The following GBE1 variants were observed in gnomAD, a reference collection of about 807,000 sequenced individuals.
GBE1 encodes 1,4-alpha-glucan branching enzyme 1, also known as 1,4-alpha-glucan-branching enzyme.
GBE1 carries 70 observed loss-of-function variants against 88.8 expected under a neutral mutation model. The ratio of observed to expected loss-of-function variants is 0.79; its 90% CI spans 0.65 to 0.96. The LOEUF is 0.96. Among genes scored for constraint, GBE1 ranks in the 40% least tolerant of loss-of-function variants. The probability of loss-of-function intolerance (pLI) is 0.00; values close to 1 mark genes in which losing one functional copy is unlikely to be tolerated. For synonymous variants in GBE1, 284 were observed against 300.1 expected, an observed-to-expected ratio of 0.95 and a Z score of 0.56; for missense variants, 872 against 871.0, an observed-to-expected ratio of 1.00 and a Z score of -0.01.
chr3:81,502,795 C>G (rs1422442189), intron 14 of GBE1, among the ~76,000 whole-genome samples: 1 of 152,136 alleles, frequency 6.6e-6, no homozygotes, highest in Non-Finnish European at 1.5e-5. Context: ...ATATGGGACC[C>G]ACACAGCACC....
intron 14 of GBE1, among the ~76,000 whole-genome samples, chr3:81,527,337 A>C (rs1265767673): frequency 1.6e-4 from 25 of 152,260 alleles, no homozygotes; most frequent in African/African-American, 5.5e-4. Flanking sequence ...AAAACACCAA[A>C]AGCAATGGCA....
intron 15 of GBE1, among the ~76,000 whole-genome samples, chr3:81,493,883 T>C (rs1159899532): frequency 6.6e-6 from 1 of 151,928 alleles, no homozygotes; most frequent in African/African-American, 2.4e-5. Context: ...TTGTAACATA[T>C]GCACTGCAAT....
At chr3:81,566,429 T>C (rs546885187) in intron 12 of GBE1, among the ~76,000 whole-genome samples, 12 of 152,290 alleles carry the variant, frequency 7.9e-5, no homozygotes, top group African/African-American at 2.9e-4. Context: ...TGCTAGTACT[T>C]TCAAAATCCT....
chr3:81,519,243 T>C (rs1227649487), intron 14 of GBE1, among the ~76,000 whole-genome samples: 1 of 151,578 alleles, frequency 6.6e-6, no homozygotes, highest in East Asian at 1.9e-4. Flanking sequence ...AGTATGAATT[T>C]ACATTTTAAA....
intron 7 of GBE1, among the ~76,000 whole-genome samples, chr3:81,602,905 T>TC (rs1381330292): frequency 1.3e-5 from 2 of 152,190 alleles, no homozygotes; most frequent in East Asian, 1.9e-4. Flanking sequence ...AACTTCTCAC[T>TC]CGATACTCCT....
chr3:81,552,389 C>T (rs1047099031), intron 12 of GBE1, among the ~76,000 whole-genome samples: 5 of 151,974 alleles, frequency 3.3e-5, no homozygotes, highest in African/African-American at 7.3e-5. Context: ...GCGTGGCAGG[C>T]ACCTGTAATT....
chr3:81,597,443 AAAATATATATATATCTC>A lies in GBE1; in HGVS notation c.993-3437_993-3421del, dbSNP rs1390502793. On this transcript the variant is annotated intron_variant, in intron 7 of 15. Transcript: ENST00000429644. ...ATGTCAAATATATATATATATCTCAAAAATATATATATATCTCAAATATATATATATATCTCAAAATA... is the reference window on the plus strand; with the variant it reads ...ATGTCAAATATATATATATATCTCAAAAATATATATATATATCTCAAAATA... Among the ~76,000 whole-genome samples the A allele has an allele frequency of 6.3e-4, 92 of 145,720 alleles. 1 individual carries two copies. The East Asian group carries it at 0.017, about 27-fold the overall frequency.
intron 1 of GBE1, among the ~76,000 whole-genome samples, chr3:81,740,124 C>G (rs1202210686): frequency 1.3e-5 from 2 of 152,044 alleles, no homozygotes; most frequent in African/African-American, 2.4e-5. Flanking sequence ...ACTCAGGAGG[C>G]TGAGGCAGGA....
chr3:81,620,267 C>T (rs1704307159), intron 7 of GBE1, among the ~76,000 whole-genome samples: 1 of 151,670 alleles, frequency 6.6e-6, no homozygotes, highest in African/African-American at 2.4e-5. Flanking sequence ...ACTGCACCCT[C>T]CACCTCCCGG....
At chr3:81,652,395 G>A (rs1480087121) in intron 3 of GBE1, among the ~76,000 whole-genome samples, 1 of 152,196 alleles carries the variant, frequency 6.6e-6, no homozygotes, top group Non-Finnish European at 1.5e-5. Context: ...ACTTGACAAA[G>A]GAGTATTTGC....
chr3:81,655,894 G>C (rs371424476), intron 3 of GBE1, among the ~76,000 whole-genome samples: 1 of 152,048 alleles, frequency 6.6e-6, no homozygotes, highest in Admixed American at 6.6e-5. Flanking sequence ...ATTTATAATC[G>C]CTAAAACTTT....
At chr3:81,576,282 T>A (rs1703646311) in intron 12 of GBE1, among the ~76,000 whole-genome samples, 1 of 151,948 alleles carries the variant, frequency 6.6e-6, no homozygotes, top group Non-Finnish European at 1.5e-5. Flanking sequence ...AGAAAAATAT[T>A]TTATCCTAAA....
At chr3:81,619,493 A>G (rs1704297028) in intron 7 of GBE1, among the ~76,000 whole-genome samples, 2 of 152,118 alleles carry the variant, frequency 1.3e-5, no homozygotes, top group African/African-American at 4.8e-5. Context: ...ATTTCATTTG[A>G]GTGTATATGT....
At chr3:81,534,504 A>G (rs1411197185) in intron 14 of GBE1, among the ~76,000 whole-genome samples, 1 of 151,944 alleles carries the variant, frequency 6.6e-6, no homozygotes, top group East Asian at 1.9e-4. Flanking sequence ...ATACATAGAG[A>G]ACATCAAAAA....
intron 9 of GBE1, 98 bp from the exon 10 acceptor site, chr3:81,586,288 T>C (rs1156525888): frequency 1.4e-6 from 1 of 737,216 alleles, no homozygotes; most frequent in Non-Finnish European, 2.3e-6. Context: ...TAGGGGAATA[T>C]ATTTTTGGGC....
In GBE1 at chr3:81,500,180, C is replaced by T. The variant is rs191575364; in HGVS notation, c.1935-953G>A. ...CAGAAACTTTTTCTAGTAGTGTTGC[C>T]TCCATTTTAGTCAATCCAGGTCAGC... On this transcript the variant is annotated intron_variant, in intron 14 of 15. Transcript: ENST00000429644. Among the ~76,000 whole-genome samples, 43 of 152,174 alleles carry T rather than the reference C, an allele frequency of 2.8e-4. No individual in the cohort carries two copies. The East Asian group carries it at 7.7e-3, about 27-fold the overall frequency.
At chr3:81,671,950 T>C (rs537215540) in intron 2 of GBE1, among the ~76,000 whole-genome samples, 5 of 152,046 alleles carry the variant, frequency 3.3e-5, no homozygotes, top group Admixed American at 3.3e-4. Context: ...AAGAACATTG[T>C]AAGTCAATGA....
At chr3:81,719,717 A>G (rs774342565) in intron 1 of GBE1, among the ~76,000 whole-genome samples, 3 of 152,228 alleles carry the variant, frequency 2.0e-5, no homozygotes, top group African/African-American at 7.2e-5. Flanking sequence ...TTGAAACTAT[A>G]TATCAGAGAT....
chr3:81,710,230 A>ATATTTTTTT (rs375326721), intron 1 of GBE1, among the ~76,000 whole-genome samples: 2 of 74,706 alleles, frequency 2.7e-5, no homozygotes, highest in African/African-American at 7.0e-5. Context: ...AAGGTAATTA[A>ATATTTTTTT]TCTTTTTTTT....
Sources: allele counts gnomAD v4.1 joint callset (sites outside exome capture counted in the v4.1 genomes callset), GRCh38; gene constraint gnomAD v4.1.1; transcripts MANE v1.5; gene names NCBI Gene and HGNC (gene_info 2026-07-23, HGNC 2026-07-21).